The following GPR158 variants were observed in gnomAD, a reference collection of about 807,000 sequenced individuals.
GPR158 encodes the protein metabotropic glycine receptor.
In GPR158, 30 loss-of-function variants were observed where a neutral mutation model predicts 78.2. The observed-to-expected ratio is 0.38, with a 90% CI of 0.29 to 0.52. GPR158 has a LOEUF of 0.52. Ranked by LOEUF, GPR158 falls within the 20% of genes least tolerant of loss-of-function variation. The pLI is 0.83. For synonymous variants in GPR158, 581 were observed against 591.1 expected (o/e 0.98, Z 0.25); for missense variants, 1,463 against 1,523.5 (o/e 0.96, Z 0.66).
intron 2 of GPR158, among the ~76,000 whole-genome samples, chr10:25,356,576 C>T (rs1195781562): frequency 6.6e-6 from 1 of 152,000 alleles, no homozygotes; most frequent in African/African-American, 2.4e-5. Context: ...GTAAATGGGT[C>T]TTACAAGATT....
chr10:25,544,104 C>T (rs1173585782), intron 5 of GPR158, among the ~76,000 whole-genome samples: 2 of 152,172 alleles, frequency 1.3e-5, no homozygotes, highest in East Asian at 3.9e-4. Flanking sequence ...TAGGATGTCT[C>T]ATTTTACAAC....
intron 5 of GPR158, among the ~76,000 whole-genome samples, chr10:25,491,390 T>C (rs926459159): frequency 4.6e-5 from 7 of 152,150 alleles, no homozygotes; most frequent in African/African-American, 1.4e-4. Context: ...ATTTTCTACA[T>C]GAATGGCTGC....
At chr10:25,386,976 T>A (rs1380213091) in intron 2 of GPR158, among the ~76,000 whole-genome samples, 2 of 152,202 alleles carry the variant, frequency 1.3e-5, no homozygotes, top group Non-Finnish European at 1.5e-5. Context: ...TTTTTTTTCT[T>A]GACTAATTGT....
At chr10:25,284,388 A>G (rs554878127) in intron 2 of GPR158, among the ~76,000 whole-genome samples, 2 of 152,022 alleles carry the variant, frequency 1.3e-5, no homozygotes, top group East Asian at 3.9e-4. Context: ...CTCTTTATGT[A>G]TGGTATTGTT....
At chr10:25,495,221 A>C (rs1835863685) in intron 5 of GPR158, among the ~76,000 whole-genome samples, 1 of 151,686 alleles carries the variant, frequency 6.6e-6, no homozygotes, top group South Asian at 2.1e-4. Flanking sequence ...TTATTGACTT[A>C]ACAGGTAAAA....
chr10:25,471,612 T>C (rs1326673011), intron 5 of GPR158, among the ~76,000 whole-genome samples: 2 of 152,158 alleles, frequency 1.3e-5, no homozygotes, highest in African/African-American at 4.8e-5. Flanking sequence ...TCCATATCCT[T>C]TCCAGCACCT....
intron 5 of GPR158, among the ~76,000 whole-genome samples, chr10:25,523,570 C>G (rs561925614): frequency 6.6e-6 from 1 of 152,238 alleles, no homozygotes; most frequent in South Asian, 2.1e-4. Context: ...CTGGACTCCT[C>G]GAATTCTAAT....
At chr10:25,367,136 A>G (rs752280340) in intron 2 of GPR158, among the ~76,000 whole-genome samples, 3 of 151,552 alleles carry the variant, frequency 2.0e-5, no homozygotes, top group Non-Finnish European at 4.4e-5. Context: ...TCTACTCCAT[A>G]TTTCATCTAT....
intron 2 of GPR158, among the ~76,000 whole-genome samples, chr10:25,241,603 G>C (rs1853630175): frequency 6.6e-6 from 1 of 151,860 alleles, no homozygotes; most frequent in African/African-American, 2.4e-5. Context: ...CGTATTTTTA[G>C]TAGAGATGGG....
chr10:25,239,945 G>T (rs1853580688), intron 2 of GPR158, among the ~76,000 whole-genome samples: 1 of 152,166 alleles, frequency 6.6e-6, no homozygotes, highest in Non-Finnish European at 1.5e-5. Flanking sequence ...AGGAACTGTG[G>T]AGATTTTATA....
intron 2 of GPR158, among the ~76,000 whole-genome samples, chr10:25,288,140 T>A (rs1854379452): frequency 6.6e-6 from 1 of 152,234 alleles, no homozygotes; most frequent in African/African-American, 2.4e-5. Flanking sequence ...ACCCATTTAA[T>A]TCTCACAACT....
chr10:25,197,333 A>G (rs1314848312), intron 1 of GPR158, among the ~76,000 whole-genome samples: 1 of 152,208 alleles, frequency 6.6e-6, no homozygotes, highest in Non-Finnish European at 1.5e-5. Context: ...TAGTTGTAAT[A>G]TAAATTGAGG....
chr10:25,350,604 AG>A (rs1475588020), intron 2 of GPR158, among the ~76,000 whole-genome samples: 1 of 152,042 alleles, frequency 6.6e-6, no homozygotes, highest in African/African-American at 2.4e-5. Flanking sequence ...AAGCAAGATA[AG>A]GGTATTGAAA....
At chr10:25,565,749 G>GTTAACGCTTAAGGTTCTTGC (rs1836920936) in intron 6 of GPR158, among the ~76,000 whole-genome samples, 2 of 152,202 alleles carry the variant, frequency 1.3e-5, no homozygotes, top group African/African-American at 4.8e-5. Context: ...AGCTCTAACT[G>GTTAACGCTTAAGGTTCTTGC]TTAACGCTTA....
At chr10:25,481,311 A>T (rs1835661468) in intron 5 of GPR158, among the ~76,000 whole-genome samples, 1 of 152,102 alleles carries the variant, frequency 6.6e-6, no homozygotes, top group Admixed American at 6.6e-5. Flanking sequence ...GCTGCACGCC[A>T]AGCTGCAGTT....
intron 5 of GPR158, among the ~76,000 whole-genome samples, chr10:25,498,585 A>G (rs1174769772): frequency 6.6e-6 from 1 of 152,206 alleles, no homozygotes; most frequent in Non-Finnish European, 1.5e-5. Context: ...AGGTAAAGCC[A>G]TAGATGTTTG....
Position 25,412,887 on chromosome 10 carries a change from A to G in GPR158, c.1335+414A>G, listed in dbSNP as rs556311486. 6.6e-5 allele frequency among the ~76,000 whole-genome samples: 10 copies of G among 152,298 alleles called. No individual in the cohort carries two copies. The South Asian group carries it at 2.1e-3, about 32-fold the overall frequency. On this transcript the variant is annotated intron_variant, in intron 4 of 10. Coordinates refer to ENST00000376351, the MANE Select transcript of GPR158 (RefSeq NM_020752.3). ...TATGGTAAATGACTCAACTATTTTT[A>G]GCGCATTATACTTTGAAGAATGAAT...
chr10:25,282,939 A>G (rs571370227), intron 2 of GPR158, among the ~76,000 whole-genome samples: 3 of 152,202 alleles, frequency 2.0e-5, no homozygotes, highest in Admixed American at 2.0e-4. Context: ...TTTTGTGTCT[A>G]TGATAATGAG....
At chr10:25,226,712 G>C (rs1277751436) in intron 2 of GPR158, among the ~76,000 whole-genome samples, 1 of 152,114 alleles carries the variant, frequency 6.6e-6, no homozygotes, top group African/African-American at 2.4e-5. Flanking sequence ...TCTTCTTTTG[G>C]AATGTAGGAC....
Sources: gnomAD v4.1 joint callset for allele counts (sites outside exome capture counted in the v4.1 genomes callset) on GRCh38, gnomAD v4.1.1 for gene constraint, MANE v1.5 for transcripts, NCBI Gene and HGNC (gene_info 2026-07-23, HGNC 2026-07-21) for gene names.